BMPR1B: variants seen among roughly 807,000 people sequenced by gnomAD.
The protein encoded by BMPR1B is bone morphogenetic protein receptor type 1B.
A neutral mutation model predicts 59.1 loss-of-function variants in BMPR1B; 12 were observed. The ratio of observed to expected loss-of-function variants is 0.20; its 90% CI spans 0.13 to 0.33. The LOEUF is 0.33. Among genes scored for constraint, BMPR1B ranks in the 10% least tolerant of loss-of-function variants. The pLI, the probability that BMPR1B is intolerant of heterozygous loss-of-function variation, is 1.00. For synonymous variants in BMPR1B, 237 were observed against 207.3 expected (o/e 1.14, Z -1.23); for missense variants, 550 against 610.9 (o/e 0.90, Z 1.05).
chr4:94,900,706 G>A lies in BMPR1B; in HGVS notation c.-113+24806G>A, dbSNP rs1284195665. ...GAATAGTCAGAATATCAAGTAGTAA[G>A]CAATTTGATTACTTTTTAGGGGTGT... On this transcript the variant is annotated intron_variant, in intron 2 of 12. Transcript: ENST00000515059. Among the ~76,000 whole-genome samples the A allele has an allele frequency of 3.3e-5, 5 of 151,966 alleles. No homozygotes were observed. In the East Asian group the frequency reaches 5.8e-4, roughly 18 times the overall value.
At chr4:95,102,983 C>T (rs961768049) in intron 3 of BMPR1B, among the ~76,000 whole-genome samples, 5 of 152,058 alleles carry the variant, frequency 3.3e-5, no homozygotes, top group Admixed American at 1.3e-4. Flanking sequence ...CGACAATCTT[C>T]TCATATGCCA....
At position 95,155,683 on chromosome 4, in the gene BMPR1B, T is replaced by C. The variant is rs1472189183; in HGVS notation, c.*1010T>C. On this transcript the variant is annotated 3_prime_UTR_variant, in exon 13 of 13. Coordinates refer to ENST00000515059, the MANE Select transcript of BMPR1B (RefSeq NM_001203.3). ...TAGGAAATGAGGGTGATCGTGCAGA[T>C]GGCTTGTATCTTATATATGCAAAGG... The C allele has an allele frequency of 6.6e-6, 1 of 151,936 alleles. No individual in the cohort carries two copies. The highest frequency in any genetic ancestry group is 2.4e-5 in the African/African-American group (1 of 41,360). 9.4% of individuals were successfully genotyped at this position (151,936 alleles called of 1,614,324 possible).
chr4:94,814,131 C>G (rs1253092927), intron 1 of BMPR1B, among the ~76,000 whole-genome samples: 1 of 152,076 alleles, frequency 6.6e-6, no homozygotes, highest in Non-Finnish European at 1.5e-5. Context: ...CCGATCTGTT[C>G]AGGATTAAAT....
intron 10 of BMPR1B, among the ~76,000 whole-genome samples, chr4:95,136,609 G>A (rs1219215929): frequency 2.0e-5 from 3 of 152,014 alleles, no homozygotes; most frequent in African/African-American, 7.3e-5. Context: ...GTCTATTCAG[G>A]GATTCAGCTT....
intron 10 of BMPR1B, among the ~76,000 whole-genome samples, chr4:95,142,639 G>A (rs550843670): frequency 8.6e-5 from 13 of 151,968 alleles, no homozygotes; most frequent in East Asian, 7.8e-4. Flanking sequence ...AGGACCATCC[G>A]CATGTGCCCA....
Position 95,041,213 on chromosome 4 carries a change from A to AT in BMPR1B, c.-18+45088dup, listed in dbSNP as rs371622008. ...AGTCGTGCACCACCACACCTGGCTA[A>AT]TTTTTTTTTGTTTTTAGTAGCGATA... is the stretch of plus-strand genomic sequence containing the variant. On this transcript the variant is annotated intron_variant, in intron 3 of 12. Transcript: ENST00000515059. Among the ~76,000 whole-genome samples the AT allele has an allele frequency of 5.2e-4, 78 of 151,364 alleles. No individual in the cohort carries two copies. The South Asian group carries it at 6.5e-3, about 13-fold the overall frequency.
intron 3 of BMPR1B, among the ~76,000 whole-genome samples, chr4:95,000,132 AATTT>A (rs1396894708): frequency 1.3e-5 from 2 of 152,122 alleles, no homozygotes; most frequent in African/African-American, 4.8e-5. Flanking sequence ...TAGTTTTCTT[AATTT>A]AATTATTTTT....
intron 3 of BMPR1B, among the ~76,000 whole-genome samples, chr4:95,057,152 A>G (rs188714760): frequency 2.0e-5 from 3 of 152,304 alleles, no homozygotes; most frequent in East Asian, 1.9e-4. Context: ...GTCCCTGGAC[A>G]TACTTATAGT....
At chr4:95,088,933 A>G (rs532040753) in intron 3 of BMPR1B, among the ~76,000 whole-genome samples, 37 of 152,262 alleles carry the variant, frequency 2.4e-4, no homozygotes, top group African/African-American at 8.7e-4. Flanking sequence ...AATACAGGGA[A>G]TAGTTTTCAT....
At chr4:94,925,956 C>T (rs1178395756) in intron 2 of BMPR1B, among the ~76,000 whole-genome samples, 1 of 151,714 alleles carries the variant, frequency 6.6e-6, no homozygotes, top group Non-Finnish European at 1.5e-5. Flanking sequence ...ACACATTTCT[C>T]CTTCCTTCCT....
chr4:95,077,954 G>T (rs1175722264), intron 3 of BMPR1B, among the ~76,000 whole-genome samples: 1 of 152,180 alleles, frequency 6.6e-6, no homozygotes. Context: ...ATGCATCTAT[G>T]TAGCACTTGG....
chr4:94,910,290 G>A (rs1171116719), intron 2 of BMPR1B, among the ~76,000 whole-genome samples: 1 of 151,948 alleles, frequency 6.6e-6, no homozygotes, highest in East Asian at 1.9e-4. Context: ...GAAGTATTTG[G>A]CTTTAAAGTT....
At chr4:94,860,576 G>T (rs950744459) in intron 1 of BMPR1B, among the ~76,000 whole-genome samples, 4 of 152,066 alleles carry the variant, frequency 2.6e-5, no homozygotes, top group African/African-American at 9.7e-5. Flanking sequence ...GTAACTATTG[G>T]TCTCTATAGC....
In BMPR1B at chr4:94,981,722, A is replaced by G. The variant is rs73836082; in HGVS notation, c.-112-14318A>G. Among the ~76,000 whole-genome samples, 1,467 of 152,312 alleles carry G rather than the reference A, an allele frequency of 9.6e-3. 24 individuals carry two copies. Among genetic ancestry groups the G allele is most frequent in the African/African-American group, 0.033 (1,365 of 41,574 alleles). On this transcript the variant is annotated intron_variant, in intron 2 of 12. Coordinates refer to ENST00000515059, the MANE Select transcript of BMPR1B (RefSeq NM_001203.3). ...AATACACTCTAAGGAAAGTTATCCT[A>G]TGTGTTTAATTGAACAATAGAAATG...
At chr4:94,889,403 GA>G (rs1727303371) in intron 2 of BMPR1B, among the ~76,000 whole-genome samples, 1 of 152,060 alleles carries the variant, frequency 6.6e-6, no homozygotes, top group Non-Finnish European at 1.5e-5. Context: ...TTCAGATAAA[GA>G]AACGGATGCT....
intron 1 of BMPR1B, among the ~76,000 whole-genome samples, chr4:94,785,130 G>C (rs969071398): frequency 2.6e-5 from 4 of 152,168 alleles, no homozygotes; most frequent in African/African-American, 9.7e-5. Context: ...AGCTTACCGC[G>C]ATTTCTTGCA....
intron 1 of BMPR1B, among the ~76,000 whole-genome samples, chr4:94,845,585 A>G (rs1725291621): frequency 6.6e-6 from 1 of 152,048 alleles, no homozygotes; most frequent in Admixed American, 6.6e-5. Flanking sequence ...CTTGTGAGCC[A>G]CTCGCCTGGG....
At chr4:94,962,124 T>TTTCC (rs1291788192) in intron 2 of BMPR1B, among the ~76,000 whole-genome samples, 951 of 87,966 alleles carry the variant, frequency 0.011, 14 homozygotes, top group Non-Finnish European at 0.017. Context: ...TCCTTCCTTC[T>TTTCC]TTCCTTCCTT....
intron 1 of BMPR1B, among the ~76,000 whole-genome samples, chr4:94,773,194 A>G (rs983565335): frequency 6.6e-6 from 1 of 152,154 alleles, no homozygotes; most frequent in African/African-American, 2.4e-5. Flanking sequence ...GTCATAATCT[A>G]GAATCTGGAC....
Sources: gnomAD v4.1 joint callset for allele counts (sites outside exome capture counted in the v4.1 genomes callset) on GRCh38, gnomAD v4.1.1 for gene constraint, MANE v1.5 for transcripts, NCBI Gene and HGNC (gene_info 2026-07-23, HGNC 2026-07-21) for gene names.